The following CTNNA3 variants were observed in gnomAD, a reference collection of about 807,000 sequenced individuals.
CTNNA3 encodes catenin alpha-3.
CTNNA3 carries 76 observed loss-of-function variants against 95.7 expected under a neutral mutation model. The ratio of observed to expected loss-of-function variants is 0.79; its 90% CI spans 0.66 to 0.96. The LOEUF (loss-of-function observed/expected upper bound fraction) is 0.96. CTNNA3 is among the 40% of genes least tolerant of loss of function. The pLI, the probability that CTNNA3 is intolerant of heterozygous loss-of-function variation, is 0.00. For synonymous variants in CTNNA3, 431 were observed against 374.4 expected (o/e 1.15, Z -1.74); for missense variants, 1,191 against 1,089.8 (o/e 1.09, Z -1.31).
At position 67,696,076 on chromosome 10, in the gene CTNNA3, G is replaced by C. The variant is rs1179583793; in HGVS notation, c.-82C>G. ...GGAATTTTCCAAAAAGAGCTTTGTG[G>C]GGGACGGAAAAAGGCTTCTTGGTGG... is the stretch of plus-strand genomic sequence containing the variant. On this transcript the variant is annotated 5_prime_UTR_variant, in exon 1 of 18. Transcript: ENST00000433211. The C allele has an allele frequency of 6.6e-6, 1 of 151,868 alleles. No homozygotes were observed. Among genetic ancestry groups the C allele is most frequent in the Non-Finnish European group, 1.5e-5 (1 of 67,962 alleles). The allele number at this position is 151,868 out of a possible 1,614,324, so 9.4% of individuals were successfully genotyped here. A position where few individuals can be genotyped will look rare whatever the true frequency, so the allele number is the denominator to read the frequency against.
chr10:66,479,597 T>A (rs1474216445), intron 11 of CTNNA3, among the ~76,000 whole-genome samples: 3 of 152,020 alleles, frequency 2.0e-5, no homozygotes, highest in African/African-American at 7.2e-5. Flanking sequence ...CACAAATAAT[T>A]ATATTTTCTT....
At chr10:66,562,631 G>A (rs1024204727) in intron 10 of CTNNA3, among the ~76,000 whole-genome samples, 1 of 152,084 alleles carries the variant, frequency 6.6e-6, no homozygotes, top group African/African-American at 2.4e-5. Context: ...GCCTTGCCCA[G>A]TGGTCTGAGC....
chr10:66,478,505 CAT>C (rs1057504938), intron 11 of CTNNA3, among the ~76,000 whole-genome samples: 12 of 151,686 alleles, frequency 7.9e-5, no homozygotes, highest in African/African-American at 2.9e-4. Context: ...TTATTTTAAA[CAT>C]GTGTAAACTA....
intron 13 of CTNNA3, among the ~76,000 whole-genome samples, chr10:66,140,509 T>C (rs1354433841): frequency 2.0e-5 from 3 of 152,232 alleles, no homozygotes; most frequent in Admixed American, 2.0e-4. Context: ...TCTAATTTTA[T>C]CTTTCTAATG....
At chr10:67,567,491 T>C (rs1489269696) in intron 3 of CTNNA3, among the ~76,000 whole-genome samples, 1 of 152,092 alleles carries the variant, frequency 6.6e-6, no homozygotes, top group Non-Finnish European at 1.5e-5. Flanking sequence ...GCGTACAATG[T>C]ACGTTACTTG....
intron 16 of CTNNA3, among the ~76,000 whole-genome samples, chr10:65,987,398 T>A (rs1463696269): frequency 6.6e-6 from 1 of 151,862 alleles, no homozygotes; most frequent in Non-Finnish European, 1.5e-5. Context: ...AAAGAAGACA[T>A]ACAAATGGCC....
At chr10:67,211,527 G>A (rs1254140724) in intron 6 of CTNNA3, among the ~76,000 whole-genome samples, 1 of 152,040 alleles carries the variant, frequency 6.6e-6, no homozygotes, top group Non-Finnish European at 1.5e-5. Flanking sequence ...CTCACACTAG[G>A]TTCTGAAATA....
intron 1 of CTNNA3, among the ~76,000 whole-genome samples, chr10:67,729,230 T>G (rs750610127): frequency 5.9e-5 from 9 of 152,152 alleles, no homozygotes; most frequent in Admixed American, 2.0e-4. Flanking sequence ...CCACCCACTT[T>G]AAGCCTGTTC....
intron 11 of CTNNA3, among the ~76,000 whole-genome samples, chr10:66,439,797 T>A (rs67237633): frequency 0.12 from 17,833 of 152,124 alleles, 1,514 homozygotes; most frequent in African/African-American, 0.24. Context: ...TATGAAGGAC[T>A]ATTAGATCAT....
In CTNNA3 at chr10:66,019,747, T is replaced by TTTTTCCA. The variant is rs2079163504; in HGVS notation, c.2160-30951_2160-30950insTGGAAAA. Among the ~76,000 whole-genome samples the TTTTTCCA allele has an allele frequency of 2.0e-5, 3 of 152,114 alleles. No individual in the cohort carries two copies. The South Asian group carries it at 6.2e-4, about 32-fold the overall frequency. ...TGGGCAAAAAAAATAGTTAAAAAAT[T>TTTTTCCA]GCTTAGTGTAGTTTGATGTTCCTGC... On this transcript the variant is annotated intron_variant, in intron 15 of 17. Transcript: ENST00000433211.
intron 11 of CTNNA3, among the ~76,000 whole-genome samples, chr10:66,389,440 C>T (rs2092918915): frequency 6.6e-6 from 1 of 152,032 alleles, no homozygotes; most frequent in Non-Finnish European, 1.5e-5. Flanking sequence ...TGCTGAAATG[C>T]ATTCATTTAA....
At chr10:66,180,256 C>T (rs2085970577) in intron 13 of CTNNA3, among the ~76,000 whole-genome samples, 1 of 152,064 alleles carries the variant, frequency 6.6e-6, no homozygotes, top group Admixed American at 6.6e-5. Flanking sequence ...AGCTGGAGCC[C>T]AGTGCTGAAC....
intron 9 of CTNNA3, among the ~76,000 whole-genome samples, chr10:66,628,771 A>T (rs565889567): frequency 6.6e-6 from 1 of 152,244 alleles, no homozygotes; most frequent in African/African-American, 2.4e-5. Flanking sequence ...GAACACTAGA[A>T]GTTCTTCAGG....
intron 9 of CTNNA3, among the ~76,000 whole-genome samples, chr10:66,632,835 A>G (rs930088663): frequency 5.3e-5 from 8 of 152,104 alleles, no homozygotes; most frequent in African/African-American, 1.9e-4. Context: ...ATCCACAGGT[A>G]TAAATAGCTC....
intron 6 of CTNNA3, among the ~76,000 whole-genome samples, chr10:67,199,917 C>T (rs1337534027): frequency 6.6e-6 from 1 of 152,044 alleles, no homozygotes; most frequent in Non-Finnish European, 1.5e-5. Flanking sequence ...CACTGAACAC[C>T]GCTCCAGACT....
chr10:67,499,492 G>A (rs1426957136), intron 5 of CTNNA3, among the ~76,000 whole-genome samples: 1 of 152,148 alleles, frequency 6.6e-6, no homozygotes, highest in Non-Finnish European at 1.5e-5. Flanking sequence ...GTTTGGAATA[G>A]TTTCAGAAGG....
chr10:66,577,046 C>T (rs1011293449), intron 10 of CTNNA3, among the ~76,000 whole-genome samples: 6 of 133,360 alleles, frequency 4.5e-5, no homozygotes, highest in African/African-American at 1.6e-4. Context: ...GAGATAGTAT[C>T]TCATAGTTTG....
At chr10:65,938,690 C>A (rs1388845800) in intron 17 of CTNNA3, among the ~76,000 whole-genome samples, 2 of 152,094 alleles carry the variant, frequency 1.3e-5, no homozygotes, top group African/African-American at 4.8e-5. Context: ...CCAATCTTGG[C>A]CAAAGACAGA....
chr10:67,459,785 T>G (rs191512226), intron 5 of CTNNA3, among the ~76,000 whole-genome samples: 65 of 152,286 alleles, frequency 4.3e-4, no homozygotes, highest in African/African-American at 1.6e-3. Context: ...TGCCTTAGCT[T>G]TGCCCTACAA....
Sources: allele counts gnomAD v4.1 joint callset (sites outside exome capture counted in the v4.1 genomes callset), GRCh38; gene constraint gnomAD v4.1.1; transcripts MANE v1.5; gene names NCBI Gene and HGNC (gene_info 2026-07-23, HGNC 2026-07-21).